RABGAP1L: variants seen among roughly 807,000 people sequenced by gnomAD.
The protein encoded by RABGAP1L is RAB GTPase activating protein 1 like, also known as rab GTPase-activating protein 1-like.
RABGAP1L carries 63 observed loss-of-function variants against 137.7 expected under a neutral mutation model. The ratio of observed to expected loss-of-function variants is 0.46; its 90% confidence interval spans 0.37 to 0.56. The LOEUF (loss-of-function observed/expected upper bound fraction) is 0.56. Among genes scored for constraint, RABGAP1L ranks in the 20% least tolerant of loss-of-function variants. The probability of loss-of-function intolerance (pLI) is 0.00; values close to 1 mark genes in which losing one functional copy is unlikely to be tolerated. For synonymous variants in RABGAP1L, 431 were observed against 433.7 expected (o/e 0.99, Z 0.08); for missense variants, 1,095 against 1,244.0 (o/e 0.88, Z 1.80).
At chr1:174,213,453 A>G (rs999261054) in intron 1 of RABGAP1L, among the ~76,000 whole-genome samples, 1 of 152,196 alleles carries the variant, frequency 6.6e-6, no homozygotes, top group African/African-American at 2.4e-5. Flanking sequence ...GGAGAAGGGA[A>G]TACTTTCAAA....
chr1:174,791,608 CAT>C lies in RABGAP1L; in HGVS notation c.2212-20221_2212-20220del, dbSNP rs1407586147. Among the ~76,000 whole-genome samples, 6 of 152,296 alleles carry C rather than the reference CAT, an allele frequency of 3.9e-5. No homozygotes were observed. In the East Asian group the frequency reaches 9.6e-4, roughly 24 times the overall value. On this transcript the variant is annotated intron_variant, in intron 18 of 25. Transcript: ENST00000681986. Reference sequence around the variant, plus strand: ...AAATTTAAAAACAGGCTTCTGCTAACATATGTTTATACCTTCTGCTTAAGCTT... The same window carrying C: ...AAATTTAAAAACAGGCTTCTGCTAACATGTTTATACCTTCTGCTTAAGCTT...
At chr1:174,800,047 C>CT in intron 18 of RABGAP1L, 1 of 1,228,894 alleles carries the variant, frequency 8.1e-7, no homozygotes, top group Non-Finnish European at 1.0e-6. Context: ...TATCTGAACT[C>CT]TCCTGCATCA....
At chr1:174,707,348 T>A (rs189083931) in intron 17 of RABGAP1L, among the ~76,000 whole-genome samples, 31 of 152,302 alleles carry the variant, frequency 2.0e-4, no homozygotes, top group African/African-American at 6.5e-4. Context: ...ATCTCTGAAG[T>A]TGCATACAGG....
chr1:174,306,563 C>T (rs532138096), intron 11 of RABGAP1L, among the ~76,000 whole-genome samples: 3 of 152,262 alleles, frequency 2.0e-5, no homozygotes, highest in African/African-American at 4.8e-5. Context: ...GAAATATCTT[C>T]TTGAAGTATC....
Position 174,995,267 on chromosome 1 carries a change from T to C in RABGAP1L, c.*5266T>C, listed in dbSNP as rs557162882. ...GTTTTCAATGCTTTGTGTTGCCCCTTTGGCCCCATTAAGCAGTAATAAACA... is the reference window on the plus strand; with the variant it reads ...GTTTTCAATGCTTTGTGTTGCCCCTCTGGCCCCATTAAGCAGTAATAAACA... On this transcript the variant is annotated 3_prime_UTR_variant, in exon 26 of 26. Coordinates refer to ENST00000681986, the MANE Select transcript of RABGAP1L (RefSeq NM_001366446.1). 1.3e-5 allele frequency: 2 copies of C among 152,366 alleles called. No individual in the cohort carries two copies. The highest frequency in any genetic ancestry group is 2.9e-5 in the Non-Finnish European group (2 of 68,020). 9.4% of individuals were successfully genotyped at this position (152,366 alleles called of 1,614,324 possible).
At chr1:174,629,942 C>T (rs578110670) in intron 13 of RABGAP1L, among the ~76,000 whole-genome samples, 4 of 152,170 alleles carry the variant, frequency 2.6e-5, no homozygotes, top group Admixed American at 6.5e-5. Flanking sequence ...TGAATAGGAG[C>T]GGTGAGAGAG....
At chr1:174,833,625 G>A (rs1179798036) in intron 19 of RABGAP1L, among the ~76,000 whole-genome samples, 1 of 150,036 alleles carries the variant, frequency 6.7e-6, no homozygotes, top group Admixed American at 6.7e-5. Context: ...CATTTACATG[G>A]CATCCACTCA....
rs138575440 is a variant in RABGAP1L, at chr1:174,250,443, G to A, written c.718-32G>A. 1.9e-4 allele frequency: 295 copies of A among 1,564,360 alleles called. 2 individuals are homozygous for A. In the African/African-American group the frequency reaches 3.8e-3, roughly 20 times the overall value. The stretch of plus-strand genomic sequence containing the variant: ...ATATCAGAATGCAATTAAAACCTTT[G>A]CCTAATGGTATTTCCTTTTTTATTC... On this transcript the variant is annotated intron_variant, in intron 5 of 25. Coordinates refer to ENST00000681986, the MANE Select transcript of RABGAP1L (RefSeq NM_001366446.1).
intron 13 of RABGAP1L, among the ~76,000 whole-genome samples, chr1:174,416,423 G>A (rs1283991746): frequency 6.6e-6 from 1 of 151,864 alleles, no homozygotes; most frequent in Non-Finnish European, 1.5e-5. Flanking sequence ...AGGATTTTTA[G>A]CAGACCTTAT....
intron 19 of RABGAP1L, among the ~76,000 whole-genome samples, chr1:174,870,844 T>C (rs542773014): frequency 1.2e-3 from 183 of 151,982 alleles, no homozygotes; most frequent in African/African-American, 4.2e-3. Flanking sequence ...CTCACGCCAT[T>C]CTCCTGCCTC....
intron 19 of RABGAP1L, among the ~76,000 whole-genome samples, chr1:174,944,628 C>T (rs1021497596): frequency 1.9e-4 from 28 of 144,208 alleles, no homozygotes; most frequent in African/African-American, 6.8e-4. Flanking sequence ...CAGAGTGAGA[C>T]CCTGTCTCAA....
Position 174,220,363 on chromosome 1 carries a change from AAAAAAG to A in RABGAP1L, c.139-594_139-589del, listed in dbSNP as rs545346428. On this transcript the variant is annotated intron_variant, in intron 2 of 25. Coordinates refer to ENST00000681986, the MANE Select transcript of RABGAP1L (RefSeq NM_001366446.1). Reference sequence around the variant, plus strand: ...TATCTGATTTTTAGGGTGTGTTCCTAAAAAAGAAAAAGAAAAAGAAGGGCCAGGCGT... The same window carrying A: ...TATCTGATTTTTAGGGTGTGTTCCTAAAAAAGAAAAAGAAGGGCCAGGCGT... Among the ~76,000 whole-genome samples the A allele has an allele frequency of 4.1e-3, 619 of 152,236 alleles. 6 individuals carry two copies. The highest frequency in any genetic ancestry group is 0.012 in the African/African-American group (502 of 41,552).
At chr1:174,289,891 C>T (rs1009247180) in intron 10 of RABGAP1L, among the ~76,000 whole-genome samples, 12 of 152,148 alleles carry the variant, frequency 7.9e-5, no homozygotes, top group Non-Finnish European at 1.8e-4. Context: ...GCTGGCTGGG[C>T]TCTACAGCTG....
intron 12 of RABGAP1L, among the ~76,000 whole-genome samples, chr1:174,389,768 T>C (rs1042941438): frequency 6.6e-6 from 1 of 152,174 alleles, no homozygotes; most frequent in Admixed American, 6.5e-5. Flanking sequence ...GCTTAAGATA[T>C]ATAAGTAAAG....
intron 17 of RABGAP1L, among the ~76,000 whole-genome samples, chr1:174,725,870 T>TAATGCTATATACCTAATGCTA (rs1681938468): frequency 6.6e-6 from 1 of 152,110 alleles, no homozygotes; most frequent in South Asian, 2.1e-4. Context: ...GAGATATACC[T>TAATGCTATATACCTAATGCTA]AATGCTAAAT....
intron 13 of RABGAP1L, among the ~76,000 whole-genome samples, chr1:174,424,334 T>A (rs1156852726): frequency 6.6e-6 from 1 of 152,140 alleles, no homozygotes; most frequent in East Asian, 1.9e-4. Context: ...GCTGTAAGTC[T>A]TGCTACTTTT....
intron 19 of RABGAP1L, among the ~76,000 whole-genome samples, chr1:174,904,958 G>T (rs1658791516): frequency 6.6e-6 from 1 of 152,056 alleles, no homozygotes; most frequent in African/African-American, 2.4e-5. Flanking sequence ...ATATTTCATA[G>T]GTTCCTTGGA....
At chr1:174,343,986 T>C (rs1169021901) in intron 11 of RABGAP1L, among the ~76,000 whole-genome samples, 2 of 152,168 alleles carry the variant, frequency 1.3e-5, no homozygotes, top group Non-Finnish European at 2.9e-5. Flanking sequence ...CTGCTGGCCA[T>C]TTAGGCCTGT....
In RABGAP1L at chr1:174,221,131, T is replaced by C; in HGVS notation, c.298T>C (p.Ser100Pro). 6.2e-7 allele frequency: 1 copy of C among 1,612,318 alleles called. No individual in the cohort carries two copies. Among genetic ancestry groups the C allele is most frequent in the South Asian group, 1.1e-5 (1 of 90,846 alleles). ...TCCAGCCAGCCAAACAAATAAGCCA[T>C]CTCTTCAGTTAATTTTGGATCCGTC... is the stretch of plus-strand genomic sequence containing the variant. ...DIPASQTNKPSLQLILDPSNT... is the reference protein window; with the variant it reads ...DIPASQTNKPPLQLILDPSNT... The change falls in exon 3 of 26, where the codon TCT becomes CCT. Residue 100 changes from serine (S) to proline (P), a missense_variant. By Grantham distance (74) the Ser-to-Pro change is moderately conservative. Around this residue, in one of 4 missense-constraint regions of RABGAP1L, gnomAD observed 356 missense variants for 326.3 expected, o/e 1.09. Coordinates refer to ENST00000681986, the MANE Select transcript of RABGAP1L (RefSeq NM_001366446.1).
Sources: gnomAD v4.1 joint callset for allele counts (sites outside exome capture counted in the v4.1 genomes callset) on GRCh38, gnomAD v4.1.1 for gene constraint, gnomAD v4.1.1 regional missense constraint, MANE v1.5 for transcripts, NCBI Gene and HGNC (gene_info 2026-07-23, HGNC 2026-07-21) for gene names.